The following RIMS2 variants were observed in gnomAD, a reference collection of about 807,000 sequenced individuals.
RIMS2 encodes the protein regulating synaptic membrane exocytosis protein 2.
A neutral mutation model predicts 174.4 loss-of-function variants in RIMS2; 59 were observed. The ratio of observed to expected loss-of-function variants is 0.34; its 90% CI spans 0.27 to 0.42. The LOEUF (loss-of-function observed/expected upper bound fraction) is 0.42. Ranked by LOEUF, RIMS2 falls within the 10% of genes least tolerant of loss-of-function variation. The probability of loss-of-function intolerance (pLI) is 1.00; values close to 1 mark genes in which losing one functional copy is unlikely to be tolerated. For missense variants in RIMS2, 1,620 were observed against 1,666.3 expected, an observed-to-expected ratio of 0.97 and a Z score of 0.48; for synonymous variants, 606 against 572.5, an observed-to-expected ratio of 1.06 and a Z score of -0.84.
intron 3 of RIMS2, among the ~76,000 whole-genome samples, chr8:103,806,858 T>C (rs1238759482): frequency 1.3e-5 from 2 of 152,026 alleles, no homozygotes; most frequent in African/African-American, 4.8e-5. Flanking sequence ...AAAAGAGATA[T>C]CAAGGTTAAT....
intron 19 of RIMS2, among the ~76,000 whole-genome samples, chr8:104,146,092 C>T (rs931989151): frequency 1.3e-5 from 2 of 149,734 alleles, no homozygotes; most frequent in East Asian, 2.0e-4. Flanking sequence ...GGGCCAGGCT[C>T]GGTGGCTCAA....
At chr8:104,105,412 A>G (rs2098026846) in intron 19 of RIMS2, among the ~76,000 whole-genome samples, 1 of 152,192 alleles carries the variant, frequency 6.6e-6, no homozygotes, top group Non-Finnish European at 1.5e-5. Flanking sequence ...TAGTTAAGAC[A>G]AGATAAAGGT....
chr8:103,686,149 C>T (rs187876573), intron 1 of RIMS2, among the ~76,000 whole-genome samples: 15 of 152,022 alleles, frequency 9.9e-5, no homozygotes, highest in African/African-American at 3.6e-4. Context: ...ACTAAATACA[C>T]GTGTAATTGT....
intron 17 of RIMS2, chr8:103,998,220 A>G: frequency 6.2e-7 from 1 of 1,610,394 alleles, no homozygotes; most frequent in Middle Eastern, 1.7e-4. Flanking sequence ...AGATACAGTC[A>G]GACCATTGAC....
At chr8:103,697,438 A>G (rs892877031) in intron 2 of RIMS2, 142 bp downstream of exon 4, 158 of 709,528 alleles carry the variant, frequency 2.2e-4, no homozygotes, top group Non-Finnish European at 2.7e-5. Flanking sequence ...GCCAGACACG[A>G]TGGCTCACGC....
chr8:104,223,936 T>C, intron 19 of RIMS2: 1 of 667,668 alleles, frequency 1.5e-6, no homozygotes, highest in Non-Finnish European at 2.5e-6. Context: ...GCGACAGCCC[T>C]AGAGCACGTC....
chr8:103,976,153 G>A (rs376444337), intron 16 of RIMS2: 14 of 152,092 alleles, frequency 9.2e-5, no homozygotes, highest in African/African-American at 2.4e-4. Flanking sequence ...ATCACATATC[G>A]GTAATAATCT....
chr8:103,993,251 G>A (rs946561145), intron 17 of RIMS2, among the ~76,000 whole-genome samples: 4 of 152,102 alleles, frequency 2.6e-5, no homozygotes, highest in African/African-American at 9.7e-5. Context: ...TATCCTGGAG[G>A]CCAAAATACA....
At position 104,084,624 on chromosome 8, in the gene RIMS2, C is replaced by T. The variant is rs141254800; in HGVS notation, c.3334+70009C>T. Reference sequence around the variant, plus strand: ...GAACCTATTTATAAAGTATTCATAGCCATTTTCATGGTTTTTTTTCAAGTC... The same window carrying T: ...GAACCTATTTATAAAGTATTCATAGTCATTTTCATGGTTTTTTTTCAAGTC... On this transcript the variant is annotated intron_variant, in intron 19 of 23. Transcript: ENST00000504942. Among the ~76,000 whole-genome samples, 425 of 151,708 alleles carry T rather than the reference C, an allele frequency of 2.8e-3. 5 individuals carry two copies. In the South Asian group the frequency reaches 0.036, roughly 13 times the overall value.
intron 1 of RIMS2, among the ~76,000 whole-genome samples, chr8:103,559,658 C>T (rs769161035): frequency 1.3e-5 from 2 of 152,176 alleles, no homozygotes; most frequent in Non-Finnish European, 2.9e-5. Context: ...CTAGTGCTAG[C>T]ACACTGAGGA....
In RIMS2 at chr8:103,927,867, C is replaced by T. The variant is rs752732891; in HGVS notation, c.2222C>T (p.Thr741Met). 73 of 1,608,006 alleles carry T rather than the reference C, an allele frequency of 4.5e-5. 1 individual carries two copies. Among genetic ancestry groups the T allele is most frequent in the South Asian group, 4.1e-4 (37 of 90,408 alleles). ...AGCCAAAGCCTTAGTAGAAGAACAA[C>T]GCCTTTTGTTCCTAGGGTTCAGGTA... is the stretch of plus-strand genomic sequence containing the variant. Residue 741 changes from threonine (T) to methionine (M), a missense_variant, in exon 11 of 24, where the codon ACG becomes ATG. Around this residue, in one of 2 missense-constraint regions of RIMS2, gnomAD observed 1,395 missense variants for 1,360.1 expected, o/e 1.03. Transcript: ENST00000504942.
chr8:104,236,293 C>T (rs181471407), intron 19 of RIMS2, among the ~76,000 whole-genome samples: 73 of 152,092 alleles, frequency 4.8e-4, no homozygotes, highest in African/African-American at 1.6e-3. Flanking sequence ...ATATTTTTCT[C>T]TTTATAATTA....
chr8:103,563,113 T>C (rs2091857933), intron 1 of RIMS2, among the ~76,000 whole-genome samples: 1 of 152,204 alleles, frequency 6.6e-6, no homozygotes, highest in Admixed American at 6.5e-5. Flanking sequence ...TGACAAGCCC[T>C]GGAGACATTT....
chr8:104,078,092 C>T (rs991948530), intron 19 of RIMS2, among the ~76,000 whole-genome samples: 1 of 150,644 alleles, frequency 6.6e-6, no homozygotes, highest in East Asian at 2.0e-4. Flanking sequence ...TGCAATGAGC[C>T]GAGATCGCTG....
At chr8:104,023,382 G>T (rs533568309) in intron 19 of RIMS2, among the ~76,000 whole-genome samples, 2 of 152,068 alleles carry the variant, frequency 1.3e-5, no homozygotes, top group African/African-American at 2.4e-5. Context: ...AGAAGGTTTT[G>T]CACTAACCCA....
intron 1 of RIMS2, among the ~76,000 whole-genome samples, chr8:103,608,998 G>A (rs867817546): frequency 3.7e-4 from 57 of 152,200 alleles, no homozygotes; most frequent in African/African-American, 1.3e-3. Context: ...GTTCCTATTC[G>A]GCCATCTTGG....
At chr8:104,122,774 G>A (rs1356316701) in intron 19 of RIMS2, among the ~76,000 whole-genome samples, 1 of 151,950 alleles carries the variant, frequency 6.6e-6, no homozygotes, top group African/African-American at 2.4e-5. Flanking sequence ...TAAAATAATG[G>A]TAATTTTAAA....
chr8:104,107,864 C>A (rs973049975), intron 19 of RIMS2, among the ~76,000 whole-genome samples: 1 of 152,136 alleles, frequency 6.6e-6, no homozygotes, highest in Non-Finnish European at 1.5e-5. Context: ...GAAGTTCAAG[C>A]CTGCAGTTAG....
At chr8:103,742,198 A>G (rs2097768385) in intron 2 of RIMS2, among the ~76,000 whole-genome samples, 1 of 152,070 alleles carries the variant, frequency 6.6e-6, no homozygotes, top group African/African-American at 2.4e-5. Flanking sequence ...AGTCAACTCC[A>G]TTCTTGAGAT....
Sources: gnomAD v4.1 joint callset for allele counts (sites outside exome capture counted in the v4.1 genomes callset) on GRCh38, gnomAD v4.1.1 for gene constraint, gnomAD v4.1.1 regional missense constraint, MANE v1.5 for transcripts, NCBI Gene and HGNC (gene_info 2026-07-23, HGNC 2026-07-21) for gene names.